DNAH9: variants seen among roughly 807,000 people sequenced by gnomAD.
The protein encoded by DNAH9 is DNAH9 variant protein.
Under a neutral mutation model 471.6 loss-of-function variants are expected in DNAH9, and 345 were observed. The observed-to-expected ratio is 0.73, with a 90% CI of 0.67 to 0.80. DNAH9 has a LOEUF of 0.80. DNAH9 is among the 30% of genes least tolerant of loss of function. The pLI is 0.00. For missense variants in DNAH9, 5,407 were observed against 5,609.2 expected, an observed-to-expected ratio of 0.96 and a Z score of 1.15; for synonymous variants, 2,093 against 2,123.6, an observed-to-expected ratio of 0.99 and a Z score of 0.40.
chr17:11,953,436 T>C (rs1040308466), intron 67 of DNAH9, among the ~76,000 whole-genome samples: 2 of 152,114 alleles, frequency 1.3e-5, no homozygotes, highest in African/African-American at 4.8e-5. Context: ...ACAAATGGGA[T>C]GAAGTGAAGT....
At chr17:11,662,798 C>T (rs1424826277) in intron 14 of DNAH9, among the ~76,000 whole-genome samples, 3 of 135,892 alleles carry the variant, frequency 2.2e-5, no homozygotes, top group African/African-American at 5.5e-5. Context: ...CTCTGTCGCC[C>T]AGGCTGGAGT....
chr17:11,838,464 A>G (rs1227579471), intron 49 of DNAH9, among the ~76,000 whole-genome samples: 1 of 152,204 alleles, frequency 6.6e-6, no homozygotes, highest in African/African-American at 2.4e-5. Context: ...CCAGGTAGGA[A>G]ATAGGGAAGA....
intron 51 of DNAH9, among the ~76,000 whole-genome samples, chr17:11,870,804 G>C (rs1339293277): frequency 2.0e-5 from 3 of 152,138 alleles, no homozygotes; most frequent in Admixed American, 2.0e-4. Context: ...AGGATGTTCA[G>C]GCTCTGAAGC....
intron 59 of DNAH9, among the ~76,000 whole-genome samples, chr17:11,896,279 G>A (rs983710158): frequency 1.3e-5 from 2 of 151,942 alleles, no homozygotes; most frequent in Non-Finnish European, 2.9e-5. Flanking sequence ...TACTTTGGAG[G>A]GACACAGTTC....
intron 48 of DNAH9, among the ~76,000 whole-genome samples, chr17:11,833,115 G>A (rs1419798242): frequency 6.6e-6 from 1 of 152,214 alleles, no homozygotes; most frequent in Non-Finnish European, 1.5e-5. Context: ...TGATCTGAAA[G>A]TAGATAGAAA....
At position 11,719,811 on chromosome 17, in the gene DNAH9, A is replaced by G. The variant is rs574425122; in HGVS notation, c.5709+321A>G. Among the ~76,000 whole-genome samples, 3 of 152,298 alleles carry G rather than the reference A, an allele frequency of 2.0e-5. No individual in the cohort carries two copies. The East Asian group carries it at 5.8e-4, about 29-fold the overall frequency. ...TACCTGCAAAATGAAGAAACTGAAC[A>G]TATATCCAAAGTCCTAATTTCCCTA... On this transcript the variant is annotated intron_variant, in intron 27 of 68. Coordinates refer to ENST00000262442, the MANE Select transcript of DNAH9 (RefSeq NM_001372.4).
At chr17:11,799,214 A>T (rs547130124) in intron 43 of DNAH9, among the ~76,000 whole-genome samples, 7 of 151,896 alleles carry the variant, frequency 4.6e-5, no homozygotes, top group Non-Finnish European at 8.8e-5. Flanking sequence ...CCACTTTCTG[A>T]CCTGTACCTG....
At chr17:11,712,034 T>G (rs1480775332) in intron 26 of DNAH9, among the ~76,000 whole-genome samples, 1 of 2,654 alleles carries the variant, frequency 3.8e-4, no homozygotes, top group South Asian at 0.033. Flanking sequence ...ATATATATAT[T>G]TATATATATT....
chr17:11,888,976 G>A (rs1292279012), intron 57 of DNAH9, among the ~76,000 whole-genome samples: 2 of 152,222 alleles, frequency 1.3e-5, no homozygotes, highest in Non-Finnish European at 1.5e-5. Context: ...GTTTACACAT[G>A]CAAAAACTCT....
intron 68 of DNAH9, among the ~76,000 whole-genome samples, chr17:11,965,100 G>T (rs972501291): frequency 6.6e-6 from 1 of 152,144 alleles, no homozygotes; most frequent in African/African-American, 2.4e-5. Context: ...TGGCCATAGG[G>T]GGCTTTGAAA....
Position 11,894,364 on chromosome 17 carries a change from C to T in DNAH9, c.11284-10C>T. On this transcript the variant is annotated splice_polypyrimidine_tract_variant and intron_variant, in intron 58 of 68. Coordinates refer to ENST00000262442, the MANE Select transcript of DNAH9 (RefSeq NM_001372.4). The stretch of plus-strand genomic sequence containing the variant: ...CTAAAGAAATGCAGTATCATTTCTC[C>T]ACATTGCAGATTCTCCTCATGAACC... 8 of 1,613,714 alleles carry T rather than the reference C, an allele frequency of 5.0e-6. No homozygotes were observed. Among genetic ancestry groups the T allele is most frequent in the Non-Finnish European group, 6.8e-6 (8 of 1,179,790 alleles).
At chr17:11,876,741 A>G (rs898726316) in intron 53 of DNAH9, among the ~76,000 whole-genome samples, 1 of 152,066 alleles carries the variant, frequency 6.6e-6, no homozygotes, top group Admixed American at 6.6e-5. Context: ...GTTTTTTGAG[A>G]CGGAGTCTCA....
chr17:11,891,743 T>C, intron 57 of DNAH9, 34 bp from the exon 58 acceptor site: 1 of 1,609,742 alleles, frequency 6.2e-7, no homozygotes, highest in East Asian at 2.2e-5. Flanking sequence ...AAGAGGGCTG[T>C]GTACCTTACC....
At chr17:11,851,892 G>C (rs1441385344) in intron 49 of DNAH9, among the ~76,000 whole-genome samples, 1 of 152,176 alleles carries the variant, frequency 6.6e-6, no homozygotes, top group African/African-American at 2.4e-5. Flanking sequence ...CATCGACCGT[G>C]ATATATCTGG....
At chr17:11,770,271 G>A (rs1177492796) in intron 38 of DNAH9, among the ~76,000 whole-genome samples, 2 of 152,200 alleles carry the variant, frequency 1.3e-5, no homozygotes, top group African/African-American at 2.4e-5. Context: ...CACTTGCTCT[G>A]CCATGACCAT....
In DNAH9 at chr17:11,962,629, A is replaced by G. The variant is rs771008562; in HGVS notation, c.13233+373A>G. On this transcript the variant is annotated intron_variant, in intron 68 of 68. Coordinates refer to ENST00000262442, the MANE Select transcript of DNAH9 (RefSeq NM_001372.4). This position sits in a 1 kb window ranked among gnomAD's most constrained non-coding sequence, Gnocchi z 4.1. Reference sequence around the variant, plus strand: ...GAGCTAATATGTAAGACACTTGAACAGTGCCTGGCACATAGGCAGTTATCA... The same window carrying G: ...GAGCTAATATGTAAGACACTTGAACGGTGCCTGGCACATAGGCAGTTATCA... Among the ~76,000 whole-genome samples, 1 of 152,158 alleles carries G rather than the reference A, an allele frequency of 6.6e-6. No homozygotes were observed. Among genetic ancestry groups the G allele is most frequent in the African/African-American group, 2.4e-5 (1 of 41,444 alleles).
intron 19 of DNAH9, 123 bp downstream of exon 19, chr17:11,681,012 C>T (rs1300868242): frequency 1.2e-5 from 11 of 914,948 alleles, no homozygotes; most frequent in Non-Finnish European, 1.8e-5. Context: ...ATCTTCCTTC[C>T]CATTTAGGAC....
chr17:11,808,336 G>A (rs1400448477), intron 44 of DNAH9, among the ~76,000 whole-genome samples: 1 of 152,178 alleles, frequency 6.6e-6, no homozygotes, highest in African/African-American at 2.4e-5. Context: ...GCACTTGGAG[G>A]CTGGATGAGT....
intron 4 of DNAH9, among the ~76,000 whole-genome samples, chr17:11,614,579 T>C (rs1339875916): frequency 6.6e-6 from 1 of 152,206 alleles, no homozygotes; most frequent in Non-Finnish European, 1.5e-5. Flanking sequence ...TTGTGCTGCT[T>C]TAACAGAATA....
Sources: allele counts gnomAD v4.1 joint callset (sites outside exome capture counted in the v4.1 genomes callset), GRCh38; gene constraint gnomAD v4.1.1; non-coding constraint Gnocchi (gnomAD v3.1); transcripts MANE v1.5; gene names NCBI Gene and HGNC (gene_info 2026-07-23, HGNC 2026-07-21).